MOV10L1: variants seen among roughly 807,000 people sequenced by gnomAD.
The protein encoded by MOV10L1 is Mov10 like RNA helicase 1.
MOV10L1 carries 110 observed loss-of-function variants against 143.8 expected under a neutral mutation model. The ratio of observed to expected loss-of-function variants is 0.76; its 90% CI spans 0.66 to 0.90. MOV10L1 has a LOEUF of 0.90. Among genes scored for constraint, MOV10L1 ranks in the 40% least tolerant of loss-of-function variants. The pLI, the probability that MOV10L1 is intolerant of heterozygous loss-of-function variation, is 0.00. For synonymous variants in MOV10L1, 593 were observed against 581.1 expected, an observed-to-expected ratio of 1.02 and a Z score of -0.29; for missense variants, 1,406 against 1,526.8, an observed-to-expected ratio of 0.92 and a Z score of 1.32.
chr22:50,090,418 C>G, intron 1 of MOV10L1: 1 of 1,584,634 alleles, frequency 6.3e-7, no homozygotes, highest in East Asian at 2.3e-5. Flanking sequence ...TGACACCAGC[C>G]CCTCTTCCCG....
chr22:50,146,951 A>G (rs2063168689), intron 19 of MOV10L1: 2 of 1,008,500 alleles, frequency 2.0e-6, no homozygotes, highest in Non-Finnish European at 3.0e-6. Context: ...CAGACTAGCC[A>G]CTGTGCGGTG....
In MOV10L1 at chr22:50,114,467, A is replaced by G. The variant is rs1232204469; in HGVS notation, c.971A>G (p.Asp324Gly). 1.9e-6 allele frequency: 3 copies of G among 1,614,232 alleles called. No homozygotes were observed. Among genetic ancestry groups the G allele is most frequent in the Non-Finnish European group, 8.5e-7 (1 of 1,180,048 alleles). ...KSKQFRFQML[D>G]KDQMCPVVSF... is the part of the protein sequence containing the mutation. ...AAACAATTCAGATTCCAAATGCTGG[A>G]TAAAGACCAGATGTGCCCCGTGGTA... The change falls in exon 7 of 27, where the codon GAT becomes GGT. Residue 324 changes from aspartate to glycine, a missense_variant. Transcript: ENST00000262794.
chr22:50,126,314 C>T, intron 12 of MOV10L1, 42 bp downstream of exon 12: 1 of 1,468,958 alleles, frequency 6.8e-7, no homozygotes, highest in South Asian at 1.2e-5. Flanking sequence ...TAGACACACC[C>T]TTCTGACCGG....
chr22:50,144,776 T>C (rs1032741045), intron 18 of MOV10L1, among the ~76,000 whole-genome samples: 1 of 152,018 alleles, frequency 6.6e-6, no homozygotes, highest in Admixed American at 6.5e-5. Context: ...AGAGACGGAG[T>C]TTCACCGTGT....
chr22:50,120,664 C>T (rs1285330720), intron 10 of MOV10L1, 48 bp downstream of exon 10: 2 of 1,333,002 alleles, frequency 1.5e-6, no homozygotes, highest in South Asian at 2.5e-5. Flanking sequence ...TTCTAATGCT[C>T]TTGTTTTCTG....
At chr22:50,150,069 C>T (rs777708825) in intron 20 of MOV10L1, among the ~76,000 whole-genome samples, 1 of 152,180 alleles carries the variant, frequency 6.6e-6, no homozygotes, top group South Asian at 2.1e-4. Context: ...TCAGGCTGCC[C>T]TGGCCTCCAG....
chr22:50,140,664 C>T (rs1049289011), intron 15 of MOV10L1, among the ~76,000 whole-genome samples: 6 of 152,052 alleles, frequency 3.9e-5, no homozygotes, highest in African/African-American at 7.2e-5. Context: ...GTCCATGGGC[C>T]GCTGGTTGGA....
At chr22:50,108,067 A>G in intron 3 of MOV10L1, 69 bp from the exon 4 acceptor site, 1 of 1,359,006 alleles carries the variant, frequency 7.4e-7, no homozygotes, top group Non-Finnish European at 1.0e-6. Context: ...AAATGATTTC[A>G]GTGCACCATG....
chr22:50,160,396 A>G (rs912630670), intron 24 of MOV10L1, among the ~76,000 whole-genome samples: 19 of 147,248 alleles, frequency 1.3e-4, no homozygotes, highest in African/African-American at 2.2e-4. Context: ...ACAGGCGCCC[A>G]CCACCACGCC....
At chr22:50,151,101 A>G (rs1447018935) in intron 21 of MOV10L1, among the ~76,000 whole-genome samples, 2 of 152,246 alleles carry the variant, frequency 1.3e-5, no homozygotes, top group South Asian at 2.1e-4. Flanking sequence ...CAGATTCAGT[A>G]AAATAAGTTA....
chr22:50,133,288 G>A (rs1263230308), intron 13 of MOV10L1, among the ~76,000 whole-genome samples: 1 of 151,440 alleles, frequency 6.6e-6, no homozygotes, highest in East Asian at 2.0e-4. Context: ...ATTTTAGTGA[G>A]TTTTTAATCA....
At position 50,114,656 on chromosome 22, in the gene MOV10L1, C is replaced by T. The variant is rs73431376; in HGVS notation, c.1126+34C>T. Reference sequence around the variant, plus strand: ...CGTTTCGGCTGTCACTGCGTGAGGTCGGGTGGGCTGGGGGCCGTGGGGTTG... The same window carrying T: ...CGTTTCGGCTGTCACTGCGTGAGGTTGGGTGGGCTGGGGGCCGTGGGGTTG... On this transcript the variant is annotated intron_variant, in intron 7 of 26. Coordinates refer to ENST00000262794, the MANE Select transcript of MOV10L1 (RefSeq NM_018995.3). The T allele has an allele frequency of 1.1e-3, 1,701 of 1,608,044 alleles. 26 individuals are homozygous for T. In the African/African-American group the frequency reaches 0.02, roughly 19 times the overall value.
At chr22:50,101,328 G>C (rs2061738402) in intron 3 of MOV10L1, among the ~76,000 whole-genome samples, 1 of 152,148 alleles carries the variant, frequency 6.6e-6, no homozygotes, top group Admixed American at 6.6e-5. Context: ...CCATTCTCCT[G>C]CCTCAGCCTC....
rs182676154 is a variant in MOV10L1, at chr22:50,137,938, A to T, written c.2070+3308A>T. ...ATGTATCTATGTATATGACACATGT[A>T]TATGAGACCAAGAGGGTTCATCCCA... On this transcript the variant is annotated intron_variant, in intron 15 of 26. Transcript: ENST00000262794. 1.8e-3 allele frequency among the ~76,000 whole-genome samples: 271 copies of T among 151,376 alleles called. 4 individuals carry two copies. The highest frequency in any genetic ancestry group is 3.7e-4 in the Non-Finnish European group (25 of 67,882).
chr22:50,096,170 A>G (rs2062583731), intron 2 of MOV10L1: 1 of 152,222 alleles, frequency 6.6e-6, no homozygotes, highest in African/African-American at 2.4e-5. Flanking sequence ...TCAGCATCCC[A>G]GTAGACACTC....
chr22:50,142,322 G>A (rs559178861), intron 16 of MOV10L1, 133 bp downstream of exon 16: 15 of 581,528 alleles, frequency 2.6e-5, no homozygotes, highest in South Asian at 7.4e-5. Context: ...GGCGGCTGCC[G>A]TCTCCACCCT....
rs763534154 is a variant in MOV10L1, at chr22:50,150,902, G to A, written c.2892+3G>A. On this transcript the variant is annotated splice_donor_region_variant and intron_variant, in intron 21 of 26. Transcript: ENST00000262794. ...GTGGCGCACATAATCCCCTGTTGGT[G>A]AGTCACAGACTCCAGCGCGTTCAGG... 1 of 1,614,150 alleles carries A rather than the reference G, an allele frequency of 6.2e-7. No individual in the cohort carries two copies. Among genetic ancestry groups the A allele is most frequent in the East Asian group, 2.2e-5 (1 of 44,888 alleles).
intron 10 of MOV10L1, among the ~76,000 whole-genome samples, chr22:50,122,036 C>T (rs12627907): frequency 0.12 from 18,705 of 152,114 alleles, 1,411 homozygotes; most frequent in Admixed American, 0.21. Context: ...GTATTCCTCC[C>T]GCCTCAGCCT....
intron 15 of MOV10L1, among the ~76,000 whole-genome samples, chr22:50,141,361 G>T (rs936301784): frequency 6.6e-6 from 1 of 151,390 alleles, no homozygotes; most frequent in Admixed American, 6.6e-5. Flanking sequence ...AGTTTGGGGG[G>T]TCTCTGTCAC....
Sources: allele counts gnomAD v4.1 joint callset (sites outside exome capture counted in the v4.1 genomes callset), GRCh38; gene constraint gnomAD v4.1.1; transcripts MANE v1.5; gene names NCBI Gene and HGNC (gene_info 2026-07-23, HGNC 2026-07-21).